Variants in DLGAP2 observed in about 807,000 individuals in gnomAD.
DLGAP2 encodes the protein disks large-associated protein 2.
Under a neutral mutation model 100.3 loss-of-function variants are expected in DLGAP2, and 26 were observed. The ratio of observed to expected loss-of-function variants is 0.26; its 90% CI spans 0.19 to 0.36. The LOEUF is 0.36. Among genes scored for constraint, DLGAP2 ranks in the 10% least tolerant of loss-of-function variants. The pLI is 1.00. For missense variants in DLGAP2, 1,858 were observed against 1,453.2 expected, an observed-to-expected ratio of 1.28 and a Z score of -4.53; for synonymous variants, 886 against 630.1, an observed-to-expected ratio of 1.41 and a Z score of -6.08.
chr8:954,175 T>G (rs1210929803), intron 2 of DLGAP2, among the ~76,000 whole-genome samples: 2 of 152,212 alleles, frequency 1.3e-5, no homozygotes, highest in Non-Finnish European at 2.9e-5. Context: ...GTGCATAATG[T>G]GGCATTTTTA....
Position 1,046,402 on chromosome 8 carries a change from A to G in DLGAP2, c.73+138436A>G, listed in dbSNP as rs574476169. On this transcript the variant is annotated intron_variant, in intron 2 of 14. Transcript: ENST00000637795. ...CTTCATGATCTAAATTCCCCCTCCCATTTCCCCGGCTGCCGTGCATATATG... is the reference window on the plus strand; with the variant it reads ...CTTCATGATCTAAATTCCCCCTCCCGTTTCCCCGGCTGCCGTGCATATATG... Among the ~76,000 whole-genome samples, 5 of 152,130 alleles carry G rather than the reference A, an allele frequency of 3.3e-5. No individual in the cohort carries two copies. In the South Asian group the frequency reaches 1.0e-3, roughly 32 times the overall value.
At chr8:1,658,037 T>C (rs894792157) in intron 8 of DLGAP2, among the ~76,000 whole-genome samples, 14 of 152,212 alleles carry the variant, frequency 9.2e-5, no homozygotes, top group African/African-American at 3.4e-4. Context: ...GTACAGAGGC[T>C]TGAGGAGGTG....
At chr8:1,223,703 C>A (rs1224938119) in intron 2 of DLGAP2, among the ~76,000 whole-genome samples, 1 of 152,068 alleles carries the variant, frequency 6.6e-6, no homozygotes, top group Non-Finnish European at 1.5e-5. Flanking sequence ...CACTGTGGGC[C>A]CCTGCAGCCA....
chr8:788,032 G>T (rs968731000), intron 1 of DLGAP2, among the ~76,000 whole-genome samples: 2 of 150,742 alleles, frequency 1.3e-5, no homozygotes, highest in African/African-American at 4.9e-5. Flanking sequence ...TGGCCACAGG[G>T]GTCTGCCCTT....
intron 4 of DLGAP2, among the ~76,000 whole-genome samples, chr8:1,530,405 C>T (rs1800949039): frequency 6.6e-6 from 1 of 152,170 alleles, no homozygotes; most frequent in African/African-American, 2.4e-5. Context: ...TCTCTTATTC[C>T]CTGAACAATT....
chr8:1,012,324 G>A (rs1027868529), intron 2 of DLGAP2, among the ~76,000 whole-genome samples: 6 of 152,220 alleles, frequency 3.9e-5, no homozygotes, highest in African/African-American at 1.4e-4. Context: ...GACGAAGAAC[G>A]CACTCTCGGA....
intron 3 of DLGAP2, among the ~76,000 whole-genome samples, chr8:1,411,431 T>C (rs533404349): frequency 2.6e-5 from 4 of 152,178 alleles, no homozygotes; most frequent in African/African-American, 7.2e-5. Flanking sequence ...AGCCAGGCGG[T>C]CCTAGCTGGC....
At chr8:1,307,485 A>G (rs571933755) in intron 3 of DLGAP2, among the ~76,000 whole-genome samples, 2 of 152,170 alleles carry the variant, frequency 1.3e-5, no homozygotes, top group Non-Finnish European at 2.9e-5. Flanking sequence ...ATAAACATGG[A>G]ATTTTCCTAT....
At chr8:855,732 G>A (rs1797264792) in intron 1 of DLGAP2, among the ~76,000 whole-genome samples, 1 of 152,188 alleles carries the variant, frequency 6.6e-6, no homozygotes, top group East Asian at 1.9e-4. Context: ...CCCTAGCTAT[G>A]CAAGGCTGGT....
chr8:1,472,117 C>T (rs1271592577), intron 3 of DLGAP2, among the ~76,000 whole-genome samples: 4 of 152,222 alleles, frequency 2.6e-5, no homozygotes, highest in African/African-American at 9.6e-5. Flanking sequence ...AACAAGTGCC[C>T]CTCCACAGTG....
intron 2 of DLGAP2, among the ~76,000 whole-genome samples, chr8:1,146,090 C>G (rs1391340157): frequency 2.6e-5 from 4 of 152,280 alleles, no homozygotes; most frequent in East Asian, 3.9e-4. Context: ...CTTCACTCCA[C>G]CAACCCACAC....
chr8:857,893 G>A (rs935901776), intron 1 of DLGAP2, among the ~76,000 whole-genome samples: 76 of 150,680 alleles, frequency 5.0e-4, no homozygotes, highest in Non-Finnish European at 5.2e-4. Flanking sequence ...TTTTTGAGAC[G>A]GAGCCTCGCT....
chr8:1,031,715 C>T (rs1197741637), intron 2 of DLGAP2, among the ~76,000 whole-genome samples: 1 of 152,138 alleles, frequency 6.6e-6, no homozygotes, highest in African/African-American at 2.4e-5. Flanking sequence ...ATAATGACCC[C>T]TTTCAAAAAG....
intron 3 of DLGAP2, among the ~76,000 whole-genome samples, chr8:1,407,887 C>T (rs1584867167): frequency 6.6e-6 from 1 of 151,490 alleles, no homozygotes; most frequent in African/African-American, 2.5e-5. Flanking sequence ...TCCTTGTCCT[C>T]TGGAGTCATG....
At chr8:813,358 T>C (rs964551956) in intron 1 of DLGAP2, among the ~76,000 whole-genome samples, 1 of 152,192 alleles carries the variant, frequency 6.6e-6, no homozygotes, top group African/African-American at 2.4e-5. Context: ...AAAGTGTTTA[T>C]ATTCATATAA....
chr8:840,916 G>T (rs2132716240), intron 1 of DLGAP2, among the ~76,000 whole-genome samples: 1 of 152,326 alleles, frequency 6.6e-6, no homozygotes, highest in South Asian at 2.1e-4. Flanking sequence ...ATTCTGTTTG[G>T]CAGGACTCAG....
At chr8:772,462 A>G (rs181831010) in intron 1 of DLGAP2, among the ~76,000 whole-genome samples, 11 of 152,194 alleles carry the variant, frequency 7.2e-5, no homozygotes, top group Admixed American at 6.5e-4. Flanking sequence ...AGCTGGGACT[A>G]CAGGCACACA....
chr8:1,681,571 T>C lies in DLGAP2; in HGVS notation c.2704+2942T>C, dbSNP rs114212388. On this transcript the variant is annotated intron_variant, in intron 12 of 14. Coordinates refer to ENST00000637795, the MANE Select transcript of DLGAP2 (RefSeq NM_001346810.2). Reference sequence around the variant, plus strand: ...TTCTCAGGAGGCTAAGGTGGGAGGATTGCCTGAGCCCCAGAGGTGGAGGCT... The same window carrying C: ...TTCTCAGGAGGCTAAGGTGGGAGGACTGCCTGAGCCCCAGAGGTGGAGGCT... 8.5e-3 allele frequency among the ~76,000 whole-genome samples: 1,299 copies of C among 152,098 alleles called. 22 individuals carry two copies. Among genetic ancestry groups the C allele is most frequent in the African/African-American group, 0.03 (1,249 of 41,482 alleles).
chr8:1,414,322 C>T (rs1796818124), intron 3 of DLGAP2, among the ~76,000 whole-genome samples: 1 of 152,182 alleles, frequency 6.6e-6, no homozygotes, highest in African/African-American at 2.4e-5. Flanking sequence ...CAGAATGAGG[C>T]CAACAAGTCT....
Sources: gnomAD v4.1 joint callset for allele counts (sites outside exome capture counted in the v4.1 genomes callset) on GRCh38, gnomAD v4.1.1 for gene constraint, MANE v1.5 for transcripts, NCBI Gene and HGNC (gene_info 2026-07-23, HGNC 2026-07-21) for gene names.